Variants in L3MBTL4 observed in about 807,000 individuals in gnomAD.
L3MBTL4 encodes the protein lethal(3)malignant brain tumor-like protein 4.
Under a neutral mutation model 84.5 loss-of-function variants are expected in L3MBTL4, and 70 were observed. The observed-to-expected ratio is 0.83, with a 90% confidence interval of 0.68 to 1.01. The LOEUF (loss-of-function observed/expected upper bound fraction) is 1.01, where lower values mean the gene tolerates loss of function less well. Ranked by LOEUF, L3MBTL4 falls within the 50% of genes least tolerant of loss-of-function variation. The pLI is 0.00. For missense variants in L3MBTL4, 715 were observed against 754.8 expected (o/e 0.95, Z 0.62); for synonymous variants, 274 against 259.8 (o/e 1.05, Z -0.52).
At chr18:5,972,566 T>C (rs2052690035) in intron 16 of L3MBTL4, among the ~76,000 whole-genome samples, 1 of 152,178 alleles carries the variant, frequency 6.6e-6, no homozygotes, top group African/African-American at 2.4e-5. Flanking sequence ...GCGGCCTGAT[T>C]CTAAATTAAC....
intron 1 of L3MBTL4, among the ~76,000 whole-genome samples, chr18:6,331,075 G>T (rs1431521112): frequency 6.6e-6 from 1 of 152,102 alleles, no homozygotes; most frequent in Non-Finnish European, 1.5e-5. Context: ...TTAAAAAACA[G>T]AAATGTCAGA....
chr18:6,346,401 G>A (rs755979174), intron 1 of L3MBTL4, among the ~76,000 whole-genome samples: 2 of 151,726 alleles, frequency 1.3e-5, no homozygotes, highest in Admixed American at 6.6e-5. Context: ...AAAATCAAGC[G>A]ATGACCTATG....
At chr18:6,069,235 T>G (rs928440389) in intron 16 of L3MBTL4, among the ~76,000 whole-genome samples, 5 of 152,168 alleles carry the variant, frequency 3.3e-5, no homozygotes, top group African/African-American at 1.2e-4. Flanking sequence ...GACCTCTGGT[T>G]AGTCAGGGTG....
intron 4 of L3MBTL4, among the ~76,000 whole-genome samples, chr18:6,291,610 C>T (rs1168952700): frequency 6.6e-6 from 1 of 152,060 alleles, no homozygotes; most frequent in Non-Finnish European, 1.5e-5. Context: ...AGGACATTCG[C>T]TTCAATAAAT....
At chr18:6,023,017 G>C (rs2055340552) in intron 16 of L3MBTL4, among the ~76,000 whole-genome samples, 1 of 152,126 alleles carries the variant, frequency 6.6e-6, no homozygotes, top group Non-Finnish European at 1.5e-5. Context: ...GTAAAACAAG[G>C]GCCTGTGGGA....
At chr18:6,028,281 T>C (rs929958373) in intron 16 of L3MBTL4, among the ~76,000 whole-genome samples, 3 of 152,218 alleles carry the variant, frequency 2.0e-5, no homozygotes, top group Non-Finnish European at 4.4e-5. Flanking sequence ...CCCAGCACCA[T>C]TTATTAAATA....
At chr18:6,317,977 G>A (rs1404944915) in intron 1 of L3MBTL4, among the ~76,000 whole-genome samples, 1 of 152,094 alleles carries the variant, frequency 6.6e-6, no homozygotes, top group Non-Finnish European at 1.5e-5. Flanking sequence ...ATAACTGAGA[G>A]CCAAGAATTC....
chr18:6,282,856 G>C (rs1419363044), intron 4 of L3MBTL4, among the ~76,000 whole-genome samples: 3 of 152,140 alleles, frequency 2.0e-5, no homozygotes. Context: ...ACGAAAATAA[G>C]TGGACAGATG....
chr18:6,177,519 T>C (rs1202341082), intron 12 of L3MBTL4, among the ~76,000 whole-genome samples: 1 of 152,232 alleles, frequency 6.6e-6, no homozygotes, highest in Non-Finnish European at 1.5e-5. Flanking sequence ...ACATCTCGAC[T>C]GGGATGGTGG....
chr18:6,354,347 C>T (rs868326159), intron 1 of L3MBTL4, among the ~76,000 whole-genome samples: 17 of 152,122 alleles, frequency 1.1e-4, no homozygotes, highest in African/African-American at 3.4e-4. Flanking sequence ...AAAACATCAG[C>T]GAAACTCTCT....
chr18:6,379,919 A>G (rs2054528710), intron 1 of L3MBTL4, among the ~76,000 whole-genome samples: 1 of 152,236 alleles, frequency 6.6e-6, no homozygotes, highest in Non-Finnish European at 1.5e-5. Flanking sequence ...TACCTCTGGT[A>G]GAATTCAGCT....
At chr18:6,249,335 A>G (rs1452299250) in intron 5 of L3MBTL4, among the ~76,000 whole-genome samples, 1 of 152,218 alleles carries the variant, frequency 6.6e-6, no homozygotes, top group Non-Finnish European at 1.5e-5. Flanking sequence ...GAAACACTGC[A>G]AAATTAGGGG....
chr18:6,322,284 G>A (rs1252033729), intron 1 of L3MBTL4, among the ~76,000 whole-genome samples: 1 of 151,790 alleles, frequency 6.6e-6, no homozygotes, highest in East Asian at 1.9e-4. Flanking sequence ...ACTTCAGTGA[G>A]CCAGGATCAT....
intron 1 of L3MBTL4, among the ~76,000 whole-genome samples, chr18:6,350,785 G>A (rs1568537213): frequency 1.3e-5 from 2 of 152,154 alleles, no homozygotes; most frequent in Non-Finnish European, 2.9e-5. Context: ...AATGTAAATG[G>A]CAACATTATT....
chr18:6,038,828 ATGTC>A (rs1448443734), intron 16 of L3MBTL4, among the ~76,000 whole-genome samples: 3 of 152,102 alleles, frequency 2.0e-5, no homozygotes, highest in African/African-American at 7.2e-5. Flanking sequence ...TGTGGATTGA[ATGTC>A]TGTGTTCCCC....
At chr18:6,095,094 A>G (rs2058587900) in intron 14 of L3MBTL4, among the ~76,000 whole-genome samples, 2 of 152,342 alleles carry the variant, frequency 1.3e-5, no homozygotes, top group South Asian at 4.1e-4. Context: ...TTATAATAAG[A>G]ATTAAAAAGC....
At chr18:6,119,878 AAAGCT>A (rs2059472809) in intron 14 of L3MBTL4, among the ~76,000 whole-genome samples, 2 of 152,336 alleles carry the variant, frequency 1.3e-5, no homozygotes, top group East Asian at 3.9e-4. Context: ...TAGAAGACTA[AAAGCT>A]AAGCATAAAG....
chr18:6,007,557 TAAC>T (rs574245966), intron 16 of L3MBTL4, among the ~76,000 whole-genome samples: 46 of 152,338 alleles, frequency 3.0e-4, no homozygotes, highest in South Asian at 2.9e-3. Context: ...GTTATTAAAG[TAAC>T]AAATGTATAT....
At chr18:6,078,459 G>GAA (rs1337999223) in intron 16 of L3MBTL4, among the ~76,000 whole-genome samples, 1 of 146,852 alleles carries the variant, frequency 6.8e-6, no homozygotes, top group Non-Finnish European at 1.5e-5. Context: ...AAAAAAAGGG[G>GAA]AAAAAAAGGA....
Sources: gnomAD v4.1 joint callset for allele counts (sites outside exome capture counted in the v4.1 genomes callset) on GRCh38, gnomAD v4.1.1 for gene constraint, MANE v1.5 for transcripts, NCBI Gene and HGNC (gene_info 2026-07-23, HGNC 2026-07-21) for gene names.